The following PCDH17 variants were observed in gnomAD, a reference collection of about 807,000 sequenced individuals.
The protein encoded by PCDH17 is protocadherin-17.
PCDH17 carries 21 observed loss-of-function variants against 67.7 expected under a neutral mutation model. That is an observed-to-expected ratio of 0.31 (90% CI 0.22 to 0.45). PCDH17 has a LOEUF of 0.45. PCDH17 is among the 20% of genes least tolerant of loss of function. PCDH17 has a pLI of 1.00. For synonymous variants in PCDH17, 701 were observed against 656.7 expected (o/e 1.07, Z -1.03); for missense variants, 1,471 against 1,564.8 (o/e 0.94, Z 1.01).
rs762665985 is a variant in PCDH17, at chr13:57,633,899, C to G, written c.1353C>G (p.Pro451=). ...TIVARDGGSP[P]LNSTKSFAIK... ...TGGCGCGGGACGGGGGCTCTCCTCC[C>G]CTCAACTCCACCAAGTCGTTCGCGA... is the stretch of plus-strand genomic sequence containing the variant. The change falls in exon 1 of 4, where the codon CCC becomes CCG. Residue 451 remains proline (P), a synonymous_variant. Transcript: ENST00000377918. The surrounding 1 kb of genome is among the most constrained non-coding windows in gnomAD (Gnocchi z 6.2). 10 of 1,613,124 alleles carry G rather than the reference C, an allele frequency of 6.2e-6. No homozygotes were observed. In the Admixed American group the frequency reaches 1.5e-4, roughly 24 times the overall value.
intron 1 of PCDH17, among the ~76,000 whole-genome samples, chr13:57,655,088 A>G (rs1262479780): frequency 6.6e-6 from 1 of 151,958 alleles, no homozygotes; most frequent in African/African-American, 2.4e-5. Context: ...AAAAGTAAAA[A>G]TTATTTATGC....
chr13:57,698,156 G>A (rs747233656), intron 3 of PCDH17, among the ~76,000 whole-genome samples: 1 of 151,192 alleles, frequency 6.6e-6, no homozygotes, highest in Non-Finnish European at 1.5e-5. Context: ...ATTATAACAT[G>A]TTCTGAATTG....
chr13:57,705,091 TAGAG>T (rs1036386710), intron 3 of PCDH17, among the ~76,000 whole-genome samples: 34 of 152,000 alleles, frequency 2.2e-4, no homozygotes, highest in African/African-American at 8.2e-4. Context: ...TAGAATGCCT[TAGAG>T]AGAAAATATG....
intron 1 of PCDH17, among the ~76,000 whole-genome samples, chr13:57,658,175 A>G (rs1955132922): frequency 6.6e-6 from 1 of 152,198 alleles, no homozygotes; most frequent in Admixed American, 6.5e-5. Context: ...ATTGAGGCAA[A>G]TGTTTCTAGA....
At chr13:57,654,840 C>T (rs577669375) in intron 1 of PCDH17, among the ~76,000 whole-genome samples, 284 of 151,928 alleles carry the variant, frequency 1.9e-3, no homozygotes, top group African/African-American at 4.1e-3. Context: ...TCATAGAAAT[C>T]TAATACTCAT....
intron 3 of PCDH17, among the ~76,000 whole-genome samples, chr13:57,677,564 T>C (rs1955405760): frequency 6.6e-6 from 1 of 151,806 alleles, no homozygotes; most frequent in Non-Finnish European, 1.5e-5. Flanking sequence ...AGAAGAGTTA[T>C]CAGTAAGAAC....
chr13:57,678,576 C>A (rs1229277195), intron 3 of PCDH17, among the ~76,000 whole-genome samples: 1 of 151,570 alleles, frequency 6.6e-6, no homozygotes, highest in East Asian at 2.0e-4. Context: ...TGGCTCTAAT[C>A]TTTTCTATAA....
chr13:57,633,807 T>C lies in PCDH17; in HGVS notation c.1261T>C (p.Phe421Leu). Residue 421 changes from phenylalanine to leucine, a missense_variant, in exon 1 of 4, where the codon TTC (phenylalanine) becomes CTC (leucine). Transcript: ENST00000377918. This position sits in a 1 kb window ranked among gnomAD's most constrained non-coding sequence, Gnocchi z 6.2. ...CAAGCTTGAGGAGAACTACGACAAC[T>C]TCTACACGGTGGTGACTGACCGCCC... is the stretch of plus-strand genomic sequence containing the variant. ...PFKLEENYDN[F>L]YTVVTDRPLD... The C allele has an allele frequency of 6.2e-7, 1 of 1,610,812 alleles. No individual in the cohort carries two copies. Among genetic ancestry groups the C allele is most frequent in the Non-Finnish European group, 8.5e-7 (1 of 1,179,822 alleles).
intron 1 of PCDH17, among the ~76,000 whole-genome samples, chr13:57,646,387 A>G (rs1475393094): frequency 6.6e-6 from 1 of 151,704 alleles, no homozygotes; most frequent in Non-Finnish European, 1.5e-5. Context: ...AAAGCTATTA[A>G]TTGAAATGGT....
chr13:57,655,961 G>A (rs1176118494), intron 1 of PCDH17, among the ~76,000 whole-genome samples: 1 of 151,988 alleles, frequency 6.6e-6, no homozygotes, highest in Non-Finnish European at 1.5e-5. Context: ...TTATCTCAGA[G>A]AGGCAGTACA....
chr13:57,693,234 A>G (rs985745680), intron 3 of PCDH17, among the ~76,000 whole-genome samples: 3 of 146,608 alleles, frequency 2.0e-5, no homozygotes, highest in East Asian at 4.0e-4. Context: ...TCATTTCAGT[A>G]TGATAACTAA....
At chr13:57,692,503 C>T (rs2138063581) in intron 3 of PCDH17, among the ~76,000 whole-genome samples, 1 of 151,234 alleles carries the variant, frequency 6.6e-6, no homozygotes, top group Non-Finnish European at 1.5e-5. Flanking sequence ...AATTCAGCTA[C>T]ATTTCTAGTA....
intron 3 of PCDH17, among the ~76,000 whole-genome samples, chr13:57,695,041 C>T (rs1412150308): frequency 2.0e-5 from 3 of 150,850 alleles, no homozygotes; most frequent in African/African-American, 7.3e-5. Context: ...CTAAGTAGGA[C>T]ACATTTTTAT....
At chr13:57,674,594 TGG>T (rs1484632939) in intron 3 of PCDH17, among the ~76,000 whole-genome samples, 1 of 151,968 alleles carries the variant, frequency 6.6e-6, no homozygotes, top group Non-Finnish European at 1.5e-5. Context: ...CCCAAAGTGC[TGG>T]GGTCACCAGT....
intron 1 of PCDH17, among the ~76,000 whole-genome samples, chr13:57,645,864 G>A (rs1954958705): frequency 6.6e-6 from 1 of 151,074 alleles, no homozygotes; most frequent in African/African-American, 2.4e-5. Flanking sequence ...AAGGCTTTAA[G>A]GATTACCCAA....
At chr13:57,689,155 A>C (rs1228833715) in intron 3 of PCDH17, among the ~76,000 whole-genome samples, 1 of 152,060 alleles carries the variant, frequency 6.6e-6, no homozygotes, top group East Asian at 1.9e-4. Flanking sequence ...TTCATTCAAC[A>C]ACTTTTTCTG....
rs747801434 is a variant in PCDH17 at position 57,634,100 on chromosome 13, C to T, written c.1554C>T (p.Asp518=). 6.2e-7 allele frequency: 1 copy of T among 1,613,548 alleles called. No individual in the cohort carries two copies. Among genetic ancestry groups the T allele is most frequent in the South Asian group, 1.1e-5 (1 of 91,082 alleles). Residue 518 remains aspartate (D), a synonymous_variant, in exon 1 of 4, where the codon GAC becomes GAT. Transcript: ENST00000377918. This position sits in a 1 kb window ranked among gnomAD's most constrained non-coding sequence, Gnocchi z 7.8. The part of the protein sequence containing the change: ...SYSILPSHIG[D]VSIYTYVSVN... Reference sequence around the variant, plus strand: ...CTATCCTGCCCTCGCACATCGGCGACGTGTCTATCTACACCTATGTGTCTG... The same window carrying T: ...CTATCCTGCCCTCGCACATCGGCGATGTGTCTATCTACACCTATGTGTCTG...
At chr13:57,668,990 G>A (rs1157547770) in intron 3 of PCDH17, among the ~76,000 whole-genome samples, 5 of 151,340 alleles carry the variant, frequency 3.3e-5, no homozygotes, top group East Asian at 2.0e-4. Context: ...ATCTCTCCCC[G>A]CTCCCCCCAC....
intron 3 of PCDH17, among the ~76,000 whole-genome samples, chr13:57,709,495 A>T (rs1463445169): frequency 6.6e-6 from 1 of 151,830 alleles, no homozygotes; most frequent in Non-Finnish European, 1.5e-5. Context: ...TTCCAATAAG[A>T]CTAAGTCTTA....
Sources: allele counts gnomAD v4.1 joint callset (sites outside exome capture counted in the v4.1 genomes callset), GRCh38; gene constraint gnomAD v4.1.1; non-coding constraint Gnocchi (gnomAD v3.1); transcripts MANE v1.5; gene names NCBI Gene and HGNC (gene_info 2026-07-23, HGNC 2026-07-21).